Variants in CNST observed in about 807,000 individuals in gnomAD.
CNST encodes the protein consortin, connexin sorting protein, also known as consortin.
Under a neutral mutation model 72.4 loss-of-function variants are expected in CNST, and 39 were observed. The ratio of observed to expected loss-of-function variants is 0.54; its 90% confidence interval spans 0.42 to 0.70. The LOEUF (loss-of-function observed/expected upper bound fraction) is 0.70, where lower values mean the gene tolerates loss of function less well. CNST is among the 30% of genes least tolerant of loss of function. The pLI is 0.00. For synonymous variants in CNST, 332 were observed against 320.1 expected, an observed-to-expected ratio of 1.04 and a Z score of -0.40; for missense variants, 871 against 868.5, an observed-to-expected ratio of 1.00 and a Z score of -0.04.
intron 5 of CNST, 42 bp downstream of exon 5, chr1:246,634,052 C>A: frequency 8.4e-7 from 1 of 1,189,538 alleles, no homozygotes; most frequent in Non-Finnish European, 1.3e-6. Context: ...AGCAGTAATC[C>A]AACAAGTCAC....
chr1:246,605,008 G>C (rs142579614), intron 2 of CNST, among the ~76,000 whole-genome samples: 7 of 152,220 alleles, frequency 4.6e-5, no homozygotes, highest in Non-Finnish European at 7.4e-5. Flanking sequence ...CTTTATATTT[G>C]TTAGAGAAAC....
chr1:246,583,301 A>G (rs73148098), intron 1 of CNST, among the ~76,000 whole-genome samples: 4,405 of 152,290 alleles, frequency 0.029, 234 homozygotes, highest in African/African-American at 0.1. Flanking sequence ...CTGTAATGGA[A>G]TTGGATATTC....
chr1:246,610,704 T>A (rs146205625), intron 2 of CNST, among the ~76,000 whole-genome samples: 139 of 152,240 alleles, frequency 9.1e-4, no homozygotes, highest in Non-Finnish European at 1.7e-3. Context: ...CTTTAACACT[T>A]AGCCAGGTCA....
At chr1:246,656,625 T>C (rs1009944440) in intron 9 of CNST, among the ~76,000 whole-genome samples, 1 of 152,196 alleles carries the variant, frequency 6.6e-6, no homozygotes, top group African/African-American at 2.4e-5. Context: ...GACACTATAG[T>C]TTTAAAAACA....
At chr1:246,659,363 G>C (rs1173904988) in intron 9 of CNST, among the ~76,000 whole-genome samples, 1 of 152,202 alleles carries the variant, frequency 6.6e-6, no homozygotes, top group South Asian at 2.1e-4. Context: ...GGGAGGCCAA[G>C]GCGGGCAGAT....
chr1:246,648,147 G>C, intron 9 of CNST, 110 bp downstream of exon 9: 1 of 1,457,194 alleles, frequency 6.9e-7, no homozygotes, highest in Non-Finnish European at 9.0e-7. Context: ...AAACATGAGG[G>C]AAAATTCTAG....
rs1043720086 is a variant in CNST at position 246,566,973 on chromosome 1, C to T, written c.-52+310C>T. Among the ~76,000 whole-genome samples the T allele has an allele frequency of 6.6e-5, 10 of 152,300 alleles. No individual in the cohort carries two copies. In the South Asian group the frequency reaches 1.7e-3, roughly 25 times the overall value. On this transcript the variant is annotated intron_variant, in intron 1 of 10. Transcript: ENST00000366513. Reference sequence around the variant, plus strand: ...AGGAGCCTGCGGCTTCCACGGTCTCCGTTCCTTTCTGTTGTGTGGCCCACA... The same window carrying T: ...AGGAGCCTGCGGCTTCCACGGTCTCTGTTCCTTTCTGTTGTGTGGCCCACA...
At chr1:246,615,851 C>G (rs1007768536) in intron 2 of CNST, among the ~76,000 whole-genome samples, 1 of 151,648 alleles carries the variant, frequency 6.6e-6, no homozygotes, top group Non-Finnish European at 1.5e-5. Flanking sequence ...GCACTCCAGC[C>G]TGGGCAAAAA....
intron 8 of CNST, among the ~76,000 whole-genome samples, chr1:246,643,946 G>C (rs1020393740): frequency 9.2e-5 from 14 of 152,120 alleles, no homozygotes; most frequent in African/African-American, 3.4e-4. Context: ...CCCACAGATA[G>C]TCTTTATTAC....
At chr1:246,636,925 G>C (rs960082527) in intron 6 of CNST, among the ~76,000 whole-genome samples, 5 of 152,078 alleles carry the variant, frequency 3.3e-5, no homozygotes, top group Non-Finnish European at 7.4e-5. Flanking sequence ...CAGCTCTGAA[G>C]GGCTGCTGTG....
intron 1 of CNST, among the ~76,000 whole-genome samples, chr1:246,590,682 T>C (rs1412196986): frequency 6.6e-6 from 1 of 152,160 alleles, no homozygotes; most frequent in Non-Finnish European, 1.5e-5. Flanking sequence ...ATTTCTTTCA[T>C]ACCTATCATT....
intron 6 of CNST, among the ~76,000 whole-genome samples, chr1:246,634,990 G>A (rs142891890): frequency 0.28 from 41,927 of 149,132 alleles, 6,494 homozygotes; most frequent in East Asian, 0.65. Flanking sequence ...TCTTCCGGCC[G>A]GCCCTCTTCC....
chr1:246,662,676 C>T lies in CNST; in HGVS notation c.1972+2342C>T, dbSNP rs372659434. ...AAAGTGCTGGGATTACAGGCGTGAGCCACCGCACCTGGCCAGAATTTTAAG... is the reference window on the plus strand; with the variant it reads ...AAAGTGCTGGGATTACAGGCGTGAGTCACCGCACCTGGCCAGAATTTTAAG... On this transcript the variant is annotated intron_variant, in intron 10 of 10. Transcript: ENST00000366513. 1.4e-3 allele frequency among the ~76,000 whole-genome samples: 206 copies of T among 152,328 alleles called. 2 individuals are homozygous for T. The highest frequency in any genetic ancestry group is 0.011 in the South Asian group (51 of 4,826).
chr1:246,620,187 G>A (rs556188028), intron 2 of CNST, among the ~76,000 whole-genome samples: 1 of 15,858 alleles, frequency 6.3e-5, no homozygotes, highest in African/African-American at 1.3e-4. Flanking sequence ...GCATACACAC[G>A]ATGGGCTCTG....
At chr1:246,584,847 T>C (rs1458173975) in intron 1 of CNST, among the ~76,000 whole-genome samples, 1 of 152,194 alleles carries the variant, frequency 6.6e-6, no homozygotes, top group Non-Finnish European at 1.5e-5. Context: ...TTTCTGCTGT[T>C]TTTTTCCCCC....
At chr1:246,659,552 G>A (rs538095674) in intron 9 of CNST, among the ~76,000 whole-genome samples, 21 of 151,460 alleles carry the variant, frequency 1.4e-4, no homozygotes, top group South Asian at 6.2e-4. Flanking sequence ...CCGAGATCGC[G>A]CCACTGCACT....
chr1:246,597,499 G>C (rs1186101371), intron 2 of CNST, among the ~76,000 whole-genome samples: 1 of 152,148 alleles, frequency 6.6e-6, no homozygotes, highest in African/African-American at 2.4e-5. Flanking sequence ...TATTTACTCA[G>C]CGCTAGTCAC....
At chr1:246,609,967 A>G (rs1350496668) in intron 2 of CNST, among the ~76,000 whole-genome samples, 1 of 152,096 alleles carries the variant, frequency 6.6e-6, no homozygotes, top group Non-Finnish European at 1.5e-5. Flanking sequence ...TATCTCCCCA[A>G]ACAGAATCTC....
At chr1:246,605,609 C>T (rs1558549815) in intron 2 of CNST, among the ~76,000 whole-genome samples, 2 of 151,972 alleles carry the variant, frequency 1.3e-5, no homozygotes, top group Non-Finnish European at 2.9e-5. Flanking sequence ...GTAACGGCTA[C>T]GTGGTACCTG....
Sources: allele counts gnomAD v4.1 joint callset (sites outside exome capture counted in the v4.1 genomes callset), GRCh38; gene constraint gnomAD v4.1.1; transcripts MANE v1.5; gene names NCBI Gene and HGNC (gene_info 2026-07-23, HGNC 2026-07-21).